LRIG1: variants seen among roughly 807,000 people sequenced by gnomAD.
LRIG1 encodes the protein leucine rich repeats and immunoglobulin like domains 1.
LRIG1 carries 48 observed loss-of-function variants against 99.2 expected under a neutral mutation model. The observed-to-expected ratio is 0.48, with a 90% CI of 0.38 to 0.62. LRIG1 has a LOEUF of 0.62. Among genes scored for constraint, LRIG1 ranks in the 20% least tolerant of loss-of-function variants. LRIG1 has a pLI of 0.00. For synonymous variants in LRIG1, 772 were observed against 596.1 expected, an observed-to-expected ratio of 1.29 and a Z score of -4.30; for missense variants, 1,646 against 1,434.4, an observed-to-expected ratio of 1.15 and a Z score of -2.38.
At chr3:66,483,324 G>T (rs1392095407) in intron 1 of LRIG1, among the ~76,000 whole-genome samples, 1 of 152,188 alleles carries the variant, frequency 6.6e-6, no homozygotes, top group Non-Finnish European at 1.5e-5. Flanking sequence ...TGAGGATGGG[G>T]GTGGGGGCCA....
intron 3 of LRIG1, among the ~76,000 whole-genome samples, chr3:66,443,449 C>G (rs1703613699): frequency 6.6e-6 from 1 of 152,116 alleles, no homozygotes. Context: ...CTCCAAGTAC[C>G]CACTGTGTTG....
Position 66,460,906 on chromosome 3 carries a change from G to A in LRIG1, c.290+1532C>T, listed in dbSNP as rs563518173. ...TTAAACAGAAGCAGAAATTATAAAC[G>A]CCAATCTGGAGAATCTGGAGATGAG... On this transcript the variant is annotated intron_variant, in intron 2 of 18. Transcript: ENST00000273261. Among the ~76,000 whole-genome samples, 12 of 152,278 alleles carry A rather than the reference G, an allele frequency of 7.9e-5. No homozygotes were observed. In the South Asian group the frequency reaches 2.1e-3, roughly 26 times the overall value.
At chr3:66,401,189 C>T (rs1264830755) in intron 9 of LRIG1, among the ~76,000 whole-genome samples, 1 of 152,366 alleles carries the variant, frequency 6.6e-6, no homozygotes, top group East Asian at 1.9e-4. Context: ...CACCTCTCTT[C>T]AGTCTGAAAC....
intron 1 of LRIG1, among the ~76,000 whole-genome samples, chr3:66,484,524 T>C (rs1700925779): frequency 6.6e-6 from 1 of 152,190 alleles, no homozygotes; most frequent in East Asian, 1.9e-4. Context: ...TTAAGACAGA[T>C]GAACAGAAAT....
At chr3:66,438,948 C>A (rs572258578) in intron 3 of LRIG1, among the ~76,000 whole-genome samples, 20 of 152,370 alleles carry the variant, frequency 1.3e-4, no homozygotes, top group African/African-American at 4.6e-4. Context: ...CGTATTGAAT[C>A]TCTCAGGGAC....
chr3:66,448,417 C>T (rs1164747240), intron 3 of LRIG1, among the ~76,000 whole-genome samples: 1 of 152,182 alleles, frequency 6.6e-6, no homozygotes, highest in Non-Finnish European at 1.5e-5. Flanking sequence ...TTAACAAACC[C>T]ACTACTTCTG....
At chr3:66,430,151 T>C (rs1553718789) in intron 3 of LRIG1, among the ~76,000 whole-genome samples, 1 of 150,224 alleles carries the variant, frequency 6.7e-6, no homozygotes, top group East Asian at 2.0e-4. Context: ...CCAAGGAACA[T>C]TACTCAGGAA....
intron 1 of LRIG1, among the ~76,000 whole-genome samples, chr3:66,476,114 G>C (rs1700717517): frequency 1.3e-5 from 2 of 152,166 alleles, no homozygotes; most frequent in African/African-American, 4.8e-5. Context: ...ACAATGAAGA[G>C]GTGGGGAAGG....
intron 1 of LRIG1, among the ~76,000 whole-genome samples, chr3:66,480,224 C>T (rs1009133366): frequency 5.3e-4 from 80 of 152,194 alleles, no homozygotes; most frequent in Non-Finnish European, 4.0e-4. Flanking sequence ...CCATATATTG[C>T]ATGATTCTAT....
At chr3:66,396,582 A>T (rs918422721) in intron 11 of LRIG1, among the ~76,000 whole-genome samples, 6 of 152,210 alleles carry the variant, frequency 3.9e-5, no homozygotes, top group Admixed American at 2.0e-4. Flanking sequence ...AACGATGGGA[A>T]ACCCAGGCAG....
intron 3 of LRIG1, among the ~76,000 whole-genome samples, chr3:66,441,226 A>G (rs909101058): frequency 6.6e-6 from 1 of 152,154 alleles, no homozygotes; most frequent in African/African-American, 2.4e-5. Context: ...GTTGGGAAGA[A>G]AAAAAACCAC....
chr3:66,431,933 G>A (rs1266153370), intron 3 of LRIG1, among the ~76,000 whole-genome samples: 1 of 152,086 alleles, frequency 6.6e-6, no homozygotes, highest in Non-Finnish European at 1.5e-5. Context: ...AAAAAGATAG[G>A]GAATACAGGA....
intron 12 of LRIG1, among the ~76,000 whole-genome samples, chr3:66,390,446 G>A (rs1261610593): frequency 6.6e-6 from 1 of 152,132 alleles, no homozygotes; most frequent in Non-Finnish European, 1.5e-5. Context: ...GACAAAACAT[G>A]ACTGAAAGAA....
chr3:66,487,402 C>T (rs1700999384), intron 1 of LRIG1, among the ~76,000 whole-genome samples: 1 of 152,188 alleles, frequency 6.6e-6, no homozygotes. Context: ...GGAAAAATTA[C>T]ACTTCAGGGG....
At chr3:66,415,915 C>A (rs1241950193) in intron 4 of LRIG1, among the ~76,000 whole-genome samples, 1 of 152,172 alleles carries the variant, frequency 6.6e-6, no homozygotes, top group Non-Finnish European at 1.5e-5. Flanking sequence ...AGGAGAAAGA[C>A]CAGAGAGGAT....
At chr3:66,449,213 A>G (rs538013350) in intron 3 of LRIG1, among the ~76,000 whole-genome samples, 44 of 152,356 alleles carry the variant, frequency 2.9e-4, no homozygotes, top group African/African-American at 1.0e-3. Flanking sequence ...CCAGCTGCCC[A>G]GATGTCATGC....
In LRIG1 at chr3:66,472,326, A is replaced by C. The variant is rs1053521203; in HGVS notation, c.219-9817T>G. 3.4e-5 allele frequency among the ~76,000 whole-genome samples: 5 copies of C among 148,188 alleles called. No individual in the cohort carries two copies. The East Asian group carries it at 5.8e-4, about 17-fold the overall frequency. On this transcript the variant is annotated intron_variant, in intron 1 of 18. Coordinates refer to ENST00000273261, the MANE Select transcript of LRIG1 (RefSeq NM_015541.3). ...CTCAAAAAAAAAAAAAAAAAAAAAAAAAAAAAACACTAACTTCGGATGGTC... is the reference window on the plus strand; with the variant it reads ...CTCAAAAAAAAAAAAAAAAAAAAAACAAAAAAACACTAACTTCGGATGGTC...
chr3:66,485,892 G>C (rs1245873931), intron 1 of LRIG1, among the ~76,000 whole-genome samples: 1 of 152,190 alleles, frequency 6.6e-6, no homozygotes, highest in African/African-American at 2.4e-5. Flanking sequence ...ACTACACTAG[G>C]TGCTTCAAGC....
intron 8 of LRIG1, chr3:66,406,299 C>A (rs1193434188): frequency 1.5e-5 from 15 of 985,422 alleles, no homozygotes; most frequent in Non-Finnish European, 1.8e-5. Flanking sequence ...AACCAGGGAC[C>A]CGGGGCTGTG....
Sources: gnomAD v4.1 joint callset for allele counts (sites outside exome capture counted in the v4.1 genomes callset) on GRCh38, gnomAD v4.1.1 for gene constraint, MANE v1.5 for transcripts, NCBI Gene and HGNC (gene_info 2026-07-23, HGNC 2026-07-21) for gene names.